GRK5: variants seen among roughly 807,000 people sequenced by gnomAD.
GRK5 encodes the protein g protein-coupled receptor kinase GRK5.
A neutral mutation model predicts 78.4 loss-of-function variants in GRK5; 40 were observed. The observed-to-expected ratio is 0.51, with a 90% CI of 0.40 to 0.66. The LOEUF (loss-of-function observed/expected upper bound fraction) is 0.66, where lower values mean the gene tolerates loss of function less well. Among genes scored for constraint, GRK5 ranks in the 30% least tolerant of loss-of-function variants. The pLI is 0.00. For synonymous variants in GRK5, 289 were observed against 296.8 expected (o/e 0.97, Z 0.27); for missense variants, 598 against 759.9 (o/e 0.79, Z 2.50).
intron 1 of GRK5, among the ~76,000 whole-genome samples, chr10:119,243,179 G>A (rs1849053621): frequency 6.6e-6 from 1 of 152,208 alleles, no homozygotes; most frequent in Admixed American, 6.5e-5. Flanking sequence ...GGAAGTTGCA[G>A]TGAGCTGAGA....
intron 2 of GRK5, among the ~76,000 whole-genome samples, chr10:119,341,970 T>A (rs1038583608): frequency 5.3e-5 from 8 of 152,186 alleles, no homozygotes; most frequent in African/African-American, 1.9e-4. Context: ...ACCCCACTTT[T>A]CTCTCCCCTT....
At chr10:119,247,923 G>C (rs1849139119) in intron 1 of GRK5, among the ~76,000 whole-genome samples, 2 of 152,116 alleles carry the variant, frequency 1.3e-5, no homozygotes, top group Middle Eastern at 3.2e-3. Context: ...GCTGACATTT[G>C]GTGATAATCT....
intron 1 of GRK5, among the ~76,000 whole-genome samples, chr10:119,272,048 T>C (rs1467488920): frequency 6.6e-6 from 1 of 152,242 alleles, no homozygotes; most frequent in Non-Finnish European, 1.5e-5. Context: ...TTTCTGGCCC[T>C]GTAGGCTGAC....
chr10:119,349,496 T>C (rs984226233), intron 2 of GRK5, among the ~76,000 whole-genome samples: 5 of 152,166 alleles, frequency 3.3e-5, no homozygotes, highest in African/African-American at 4.8e-5. Flanking sequence ...GCCTGTACTG[T>C]GGGACAAATA....
chr10:119,425,204 A>G (rs1468069580), intron 6 of GRK5, 119 bp downstream of exon 6: 2 of 683,516 alleles, frequency 2.9e-6, no homozygotes, highest in Admixed American at 2.2e-5. Context: ...AATTAACCCG[A>G]CTCCCCCTGT....
intron 1 of GRK5, among the ~76,000 whole-genome samples, chr10:119,225,300 G>A (rs1241968156): frequency 6.6e-6 from 1 of 152,140 alleles, no homozygotes; most frequent in African/African-American, 2.4e-5. Flanking sequence ...AAAATACACA[G>A]TACTTCATCT....
At chr10:119,237,876 G>A (rs894484254) in intron 1 of GRK5, among the ~76,000 whole-genome samples, 3 of 152,042 alleles carry the variant, frequency 2.0e-5, no homozygotes, top group Non-Finnish European at 4.4e-5. Context: ...TTACAGGAAA[G>A]ACTATTATGG....
In GRK5 at chr10:119,456,103, G is replaced by GAGC. The variant is rs1454892885; in HGVS notation, c.*1040_*1042dup. The GAGC allele has an allele frequency of 2.6e-5, 4 of 152,372 alleles. No individual in the cohort carries two copies. Among genetic ancestry groups the GAGC allele is most frequent in the Non-Finnish European group, 5.9e-5 (4 of 68,138 alleles). 9.4% of individuals were successfully genotyped at this position (152,372 alleles called of 1,614,324 possible). On this transcript the variant is annotated 3_prime_UTR_variant, in exon 16 of 16. Transcript: ENST00000392870. This position sits in a 1 kb window ranked among gnomAD's most constrained non-coding sequence, Gnocchi z 5.5. ...GTGAGGCAGTGCGCTCATCCTGACG[G>GAGC]AGCAGCGTCGTGTCTGTAGCGGGGA...
At chr10:119,251,385 C>T (rs1390309280) in intron 1 of GRK5, among the ~76,000 whole-genome samples, 2 of 152,212 alleles carry the variant, frequency 1.3e-5, no homozygotes, top group Non-Finnish European at 2.9e-5. Context: ...ATGGCATCAC[C>T]AATGCCTTTC....
chr10:119,389,844 C>A (rs1049524497), intron 3 of GRK5, among the ~76,000 whole-genome samples: 35 of 151,206 alleles, frequency 2.3e-4, no homozygotes, highest in African/African-American at 8.0e-4. Flanking sequence ...ACACCCAACA[C>A]ACAGATCATG....
At chr10:119,340,302 T>C (rs542197250) in intron 2 of GRK5, among the ~76,000 whole-genome samples, 31 of 152,234 alleles carry the variant, frequency 2.0e-4, no homozygotes, top group Admixed American at 2.0e-3. Flanking sequence ...AAATTTTGTA[T>C]TTTTAATAGA....
intron 3 of GRK5, among the ~76,000 whole-genome samples, chr10:119,389,363 A>G (rs1851849286): frequency 6.6e-6 from 1 of 152,130 alleles, no homozygotes; most frequent in African/African-American, 2.4e-5. Flanking sequence ...TCTTTCTCTC[A>G]CTGGTGTGAT....
In GRK5 at chr10:119,263,662, G is replaced by C. The variant is rs547256490; in HGVS notation, c.52+55693G>C. On this transcript the variant is annotated intron_variant, in intron 1 of 15. Transcript: ENST00000392870. ...GTTGAGGCCAGGCGCAGTGGCTCAT[G>C]CCTGTAATCCCAGCACTTTGGGAAG... 5.5e-4 allele frequency among the ~76,000 whole-genome samples: 84 copies of C among 152,272 alleles called. 1 individual carries two copies. In the Middle Eastern group the frequency reaches 0.01, roughly 18 times the overall value.
At chr10:119,364,376 G>T (rs1185687019) in intron 2 of GRK5, among the ~76,000 whole-genome samples, 1 of 152,234 alleles carries the variant, frequency 6.6e-6, no homozygotes, top group Non-Finnish European at 1.5e-5. Context: ...CAAGATTGAA[G>T]GACATCTGTG....
chr10:119,382,269 G>A (rs893890949), intron 3 of GRK5, among the ~76,000 whole-genome samples: 5 of 103,726 alleles, frequency 4.8e-5, no homozygotes, highest in African/African-American at 8.9e-5. Flanking sequence ...GGCTCTTGGC[G>A]CCTCTTGTGT....
At chr10:119,428,356 GC>G (rs1332584029) in intron 6 of GRK5, among the ~76,000 whole-genome samples, 2 of 152,378 alleles carry the variant, frequency 1.3e-5, no homozygotes, top group South Asian at 2.1e-4. Context: ...GATTATAGAA[GC>G]CCCCATGTGT....
chr10:119,344,143 GTTATT>G (rs1274715327), intron 2 of GRK5, among the ~76,000 whole-genome samples: 5 of 151,058 alleles, frequency 3.3e-5, no homozygotes, highest in African/African-American at 1.2e-4. Context: ...CTATGCAGCA[GTTATT>G]TTATTTTATT....
In GRK5 at chr10:119,368,601, A is replaced by G. The variant is rs536879234; in HGVS notation, c.149-12214A>G. Among the ~76,000 whole-genome samples, 10 of 152,344 alleles carry G rather than the reference A, an allele frequency of 6.6e-5. No homozygotes were observed. In the South Asian group the frequency reaches 2.1e-3, roughly 32 times the overall value. ...AAACCAAGGTCCAGAGAGAAGAATG[A>G]TGGGTCAGAGGTCATGCAGGGTCAG... On this transcript the variant is annotated intron_variant, in intron 2 of 15. Coordinates refer to ENST00000392870, the MANE Select transcript of GRK5 (RefSeq NM_005308.3).
intron 1 of GRK5, among the ~76,000 whole-genome samples, chr10:119,209,487 G>GGT: frequency 1.0e-5 from 1 of 98,922 alleles, no homozygotes; most frequent in Non-Finnish European, 2.0e-5. Context: ...TGTGTGTGTG[G>GGT]TTTTTTTTTT....
Sources: gnomAD v4.1 joint callset for allele counts (sites outside exome capture counted in the v4.1 genomes callset) on GRCh38, gnomAD v4.1.1 for gene constraint, Gnocchi (gnomAD v3.1) non-coding constraint, MANE v1.5 for transcripts, NCBI Gene and HGNC (gene_info 2026-07-23, HGNC 2026-07-21) for gene names.